Variants in ERN1 observed in about 807,000 individuals in gnomAD.
ERN1 encodes the protein endoplasmic reticulum to nucleus signaling 1.
In ERN1, 39 loss-of-function variants were observed where a neutral mutation model predicts 113.1. That is an observed-to-expected ratio of 0.34 (90% CI 0.27 to 0.45). ERN1 has a LOEUF of 0.45. ERN1 is among the 20% of genes least tolerant of loss of function. ERN1 has a pLI of 1.00. For synonymous variants in ERN1, 507 were observed against 515.9 expected (o/e 0.98, Z 0.23); for missense variants, 976 against 1,274.8 (o/e 0.77, Z 3.57).
At chr17:64,127,525 G>A (rs1040302431) in intron 1 of ERN1, among the ~76,000 whole-genome samples, 2 of 152,086 alleles carry the variant, frequency 1.3e-5, no homozygotes, top group Admixed American at 6.6e-5. Context: ...AGGCCAAGGT[G>A]GGTGGATCAC....
At chr17:64,088,964 C>G (rs947718493) in intron 2 of ERN1, among the ~76,000 whole-genome samples, 3 of 152,034 alleles carry the variant, frequency 2.0e-5, no homozygotes, top group Admixed American at 6.5e-5. Context: ...GGGAAGAAAG[C>G]CTTGAAAACT....
chr17:64,082,936 T>C (rs990546064), intron 2 of ERN1, among the ~76,000 whole-genome samples: 6 of 151,920 alleles, frequency 3.9e-5, no homozygotes, highest in African/African-American at 1.5e-4. Context: ...CTCAGTAAAA[T>C]AAGCACCTGG....
intron 1 of ERN1, among the ~76,000 whole-genome samples, chr17:64,125,359 T>C (rs2143512961): frequency 6.6e-6 from 1 of 152,328 alleles, no homozygotes; most frequent in South Asian, 2.1e-4. Context: ...AAATACCCCT[T>C]TCTTTATGAT....
intron 1 of ERN1, among the ~76,000 whole-genome samples, chr17:64,126,479 C>T (rs904422243): frequency 2.0e-5 from 3 of 152,068 alleles, no homozygotes; most frequent in African/African-American, 7.2e-5. Context: ...CATGAAGAAA[C>T]TTTAATGCGG....
At chr17:64,088,283 C>T (rs1241890456) in intron 2 of ERN1, among the ~76,000 whole-genome samples, 1 of 152,170 alleles carries the variant, frequency 6.6e-6, no homozygotes, top group Admixed American at 6.5e-5. Context: ...CTGACCCCAT[C>T]TGACCACCCT....
intron 2 of ERN1, among the ~76,000 whole-genome samples, chr17:64,084,561 T>C (rs1913867070): frequency 6.6e-6 from 1 of 152,178 alleles, no homozygotes; most frequent in African/African-American, 2.4e-5. Flanking sequence ...ATCAACCTCA[T>C]GGGGCATCTC....
chr17:64,054,276 C>G lies in ERN1; in HGVS notation c.1927G>C (p.Glu643Gln). 6.2e-7 allele frequency: 1 copy of G among 1,613,554 alleles called. No individual in the cohort carries two copies. The highest frequency in any genetic ancestry group is 8.5e-7 in the Non-Finnish European group (1 of 1,179,656). ...KDRQFQYIAIELCAATLQEYV... is the reference protein window; with the variant it reads ...KDRQFQYIAIQLCAATLQEYV... ...TCTTGCAGGGTGGCTGCACACAGCT[C>G]GATGGCAATGTACTGGAATTGCCGG... is the stretch of plus-strand genomic sequence containing the variant. The change falls in exon 15 of 22, where the codon GAG (glutamate) becomes CAG (glutamine). Residue 643 changes from glutamate (E) to glutamine (Q), a missense_variant. Around this residue, in one of 5 missense-constraint regions of ERN1, gnomAD observed 297 missense variants for 457.8 expected, o/e 0.65. Coordinates refer to ENST00000433197, the MANE Select transcript of ERN1 (RefSeq NM_001433.5). The surrounding 1 kb of genome is among the most constrained non-coding windows in gnomAD (Gnocchi z 4.9).
chr17:64,118,614 G>A (rs1285246011), intron 1 of ERN1, among the ~76,000 whole-genome samples: 2 of 152,180 alleles, frequency 1.3e-5, no homozygotes, highest in African/African-American at 4.8e-5. Context: ...GCAGAGTTTT[G>A]GATTTGGTCC....
chr17:64,069,872 G>A (rs1037349968), intron 6 of ERN1, among the ~76,000 whole-genome samples: 7 of 151,042 alleles, frequency 4.6e-5, no homozygotes, highest in Non-Finnish European at 1.0e-4. Context: ...GACTTTGGGG[G>A]TCTTTGGAGG....
intron 3 of ERN1, 109 bp from the exon 4 acceptor site, chr17:64,079,843 G>T (rs778610508): frequency 2.7e-5 from 21 of 777,898 alleles, no homozygotes; most frequent in African/African-American, 1.4e-4. Flanking sequence ...GAGGGTGGTT[G>T]TGTGTAGGTG....
At chr17:64,070,376 C>T (rs1349540596) in intron 6 of ERN1, among the ~76,000 whole-genome samples, 1 of 152,220 alleles carries the variant, frequency 6.6e-6, no homozygotes, top group East Asian at 1.9e-4. Context: ...CACCTATGCA[C>T]ACACATTCCA....
intron 1 of ERN1, among the ~76,000 whole-genome samples, chr17:64,126,218 T>G (rs757728658): frequency 2.0e-5 from 3 of 152,202 alleles, no homozygotes; most frequent in Non-Finnish European, 4.4e-5. Flanking sequence ...TTGTGCATAA[T>G]AAAAACTGAA....
intron 19 of ERN1, among the ~76,000 whole-genome samples, chr17:64,045,853 T>A (rs909600239): frequency 2.0e-5 from 3 of 152,182 alleles, no homozygotes; most frequent in Non-Finnish European, 2.9e-5. Context: ...TTGATGTGCA[T>A]CCCGTGCTTT....
intron 1 of ERN1, among the ~76,000 whole-genome samples, chr17:64,114,827 T>C (rs994019661): frequency 6.6e-6 from 1 of 152,178 alleles, no homozygotes; most frequent in Non-Finnish European, 1.5e-5. Context: ...TCGACTGATG[T>C]TGCCTAGCTG....
At chr17:64,101,771 T>C (rs1914391130) in intron 1 of ERN1, among the ~76,000 whole-genome samples, 2 of 152,218 alleles carry the variant, frequency 1.3e-5, no homozygotes, top group South Asian at 4.1e-4. Flanking sequence ...TTGCTGTTAT[T>C]AAAGCCTACA....
rs1275553775 is a variant in ERN1 at position 64,054,993 on chromosome 17, T to C, written c.1673-165A>G. ...AAGAGCCTGCCAGGCCCACTCCCCA[T>C]GTACACCCAGGACTGCCTCTTCCCC... is the stretch of plus-strand genomic sequence containing the variant. On this transcript the variant is annotated intron_variant, in intron 13 of 21. Coordinates refer to ENST00000433197, the MANE Select transcript of ERN1 (RefSeq NM_001433.5). The surrounding 1 kb of genome is among the most constrained non-coding windows in gnomAD (Gnocchi z 4.9). Among the ~76,000 whole-genome samples the C allele has an allele frequency of 6.6e-6, 1 of 152,204 alleles. No homozygotes were observed. The highest frequency in any genetic ancestry group is 6.5e-5 in the Admixed American group (1 of 15,270).
At position 64,087,251 on chromosome 17, in the gene ERN1, G is replaced by A. The variant is rs1025075291; in HGVS notation, c.176-6443C>T. ...TACCTTCCTCCACTCACTGCCCTCC[G>A]GCCCCTACCCTCAGAATAAGATCAG... is the stretch of plus-strand genomic sequence containing the variant. On this transcript the variant is annotated intron_variant, in intron 2 of 21. Transcript: ENST00000433197. 3.3e-5 allele frequency among the ~76,000 whole-genome samples: 5 copies of A among 152,104 alleles called. No individual in the cohort carries two copies. The East Asian group carries it at 5.8e-4, about 18-fold the overall frequency.
Position 64,054,854 on chromosome 17 carries a change from T to A in ERN1, c.1673-26A>T, listed in dbSNP as rs372494396. ...CTGGGACAAAATAGGAAAAAGAGAT[T>A]GTTTCAAACAGATATCACCTAAAGA... On this transcript the variant is annotated intron_variant, in intron 13 of 21. Transcript: ENST00000433197. The surrounding 1 kb of genome is among the most constrained non-coding windows in gnomAD (Gnocchi z 4.9). 216 of 1,534,978 alleles carry A rather than the reference T, an allele frequency of 1.4e-4. No homozygotes were observed. The African/African-American group carries it at 2.7e-3, about 19-fold the overall frequency.
intron 2 of ERN1, among the ~76,000 whole-genome samples, chr17:64,082,776 A>C (rs902434938): frequency 1.3e-5 from 2 of 152,196 alleles, no homozygotes; most frequent in Non-Finnish European, 2.9e-5. Context: ...GGAAGGTTCC[A>C]GTTAAGATTC....
Sources: allele counts gnomAD v4.1 joint callset (sites outside exome capture counted in the v4.1 genomes callset), GRCh38; gene constraint gnomAD v4.1.1; regional missense constraint gnomAD v4.1.1; non-coding constraint Gnocchi (gnomAD v3.1); transcripts MANE v1.5; gene names NCBI Gene and HGNC (gene_info 2026-07-23, HGNC 2026-07-21).